HMGB1: variants seen among roughly 807,000 people sequenced by gnomAD.
HMGB1 encodes the protein high mobility group box 1.
For synonymous variants in HMGB1, 81 were observed against 84.0 expected, an observed-to-expected ratio of 0.96 and a Z score of 0.19; for missense variants, 79 against 253.5, an observed-to-expected ratio of 0.31 and a Z score of 4.67.
chr13:30,516,849 C>G (rs907222068), intron 1 of HMGB1, among the ~76,000 whole-genome samples: 4 of 152,136 alleles, frequency 2.6e-5, no homozygotes, highest in Admixed American at 1.3e-4. Flanking sequence ...ACTGGGAGAT[C>G]GAGGCTGCAA....
At chr13:30,471,629 A>ACAGGC (rs1886937508) in intron 1 of HMGB1, among the ~76,000 whole-genome samples, 1 of 127,898 alleles carries the variant, frequency 7.8e-6, no homozygotes, top group Non-Finnish European at 1.6e-5. Context: ...TGCTGGGATT[A>ACAGGC]CAGGCATGAG....
intron 1 of HMGB1, among the ~76,000 whole-genome samples, chr13:30,481,621 G>A (rs1464422615): frequency 3.9e-5 from 6 of 152,168 alleles, no homozygotes; most frequent in African/African-American, 1.4e-4. Flanking sequence ...TGGCTCCCCC[G>A]GTGGGGCAAA....
intron 1 of HMGB1, among the ~76,000 whole-genome samples, chr13:30,496,435 C>T (rs2137447229): frequency 6.6e-6 from 1 of 152,302 alleles, no homozygotes; most frequent in African/African-American, 2.4e-5. Flanking sequence ...ACACCTGTGG[C>T]AAGTGATTAG....
At chr13:30,473,448 C>A (rs991611421) in intron 1 of HMGB1, among the ~76,000 whole-genome samples, 1 of 152,186 alleles carries the variant, frequency 6.6e-6, no homozygotes, top group Non-Finnish European at 1.5e-5. Context: ...GAAAGGTGAT[C>A]TAAGTTCAGA....
At chr13:30,474,950 T>C (rs1565999229) in intron 1 of HMGB1, among the ~76,000 whole-genome samples, 1 of 115,054 alleles carries the variant, frequency 8.7e-6, no homozygotes, top group Non-Finnish European at 1.7e-5. Context: ...TTTTTTCTTT[T>C]CTTTTTTTGT....
Position 30,505,358 on chromosome 13 carries a change from T to G in HMGB1, c.-14-41664A>C, listed in dbSNP as rs187014087. On this transcript the variant is annotated intron_variant, in intron 1 of 4. Coordinates refer to the HMGB1 transcript ENST00000405805. The stretch of plus-strand genomic sequence containing the variant: ...CAGGCCTGGCTAATTTTTTGTATTT[T>G]TAGTAGAGACAGGGTTTCACCGTGT... 4.9e-3 allele frequency among the ~76,000 whole-genome samples: 741 copies of G among 152,204 alleles called. 1 individual carries two copies. The highest frequency in any genetic ancestry group is 8.3e-3 in the Non-Finnish European group (565 of 68,026).
chr13:30,529,266 G>A (rs993961626), intron 1 of HMGB1, among the ~76,000 whole-genome samples: 1 of 152,102 alleles, frequency 6.6e-6, no homozygotes, highest in Admixed American at 6.5e-5. Flanking sequence ...TACCTGCTCA[G>A]AGAGGTTTCA....
At chr13:30,571,951 G>T (rs1254893942) in intron 1 of HMGB1, among the ~76,000 whole-genome samples, 2 of 152,026 alleles carry the variant, frequency 1.3e-5, no homozygotes, top group Non-Finnish European at 2.9e-5. Flanking sequence ...GATAAACTCA[G>T]TTGTCTACAT....
In HMGB1 at chr13:30,456,763, G is replaced by GGGGC. The variant is rs1886001922; in HGVS notation, c.*4593_*4594insGCCC. The GGGGC allele has an allele frequency of 9.1e-6, 1 of 109,326 alleles. No homozygotes were observed. Among genetic ancestry groups the GGGGC allele is most frequent in the Admixed American group, 9.4e-5 (1 of 10,594 alleles). 6.8% of individuals were successfully genotyped at this position (109,326 alleles called of 1,614,324 possible). ...CATAAATAACAGCTTTTGTGGGCGG[G>GGGGC]GGGGGGGGGTGGTGGGGTGCAATTT... On this transcript the variant is annotated 3_prime_UTR_variant, in exon 5 of 5. Coordinates refer to ENST00000341423, the MANE Select transcript of HMGB1 (RefSeq NM_002128.7).
rs185684429 is a variant in HMGB1, at chr13:30,616,283, T to C, written c.-15+388A>G. Among the ~76,000 whole-genome samples, 359 of 152,364 alleles carry C rather than the reference T, an allele frequency of 2.4e-3. 2 individuals carry two copies. The highest frequency in any genetic ancestry group is 0.01 in the Middle Eastern group (3 of 294). On this transcript the variant is annotated intron_variant, in intron 1 of 4. Transcript: ENST00000405805. The stretch of plus-strand genomic sequence containing the variant: ...TCCATTTTGTTTCTGTTACTAATTT[T>C]TCTTCTGAAAAAATACCAAATTTAC...
chr13:30,583,427 C>T (rs1247869884), intron 1 of HMGB1, among the ~76,000 whole-genome samples: 5 of 143,904 alleles, frequency 3.5e-5, no homozygotes, highest in Admixed American at 1.4e-4. Flanking sequence ...GCTACTCGGG[C>T]GGCTGAGCTG....
At chr13:30,585,428 T>G (rs1243459558) in intron 1 of HMGB1, among the ~76,000 whole-genome samples, 2 of 152,148 alleles carry the variant, frequency 1.3e-5, no homozygotes, top group Non-Finnish European at 2.9e-5. Context: ...TGGTTCATGC[T>G]TGTAATCCCA....
Position 30,456,770 on chromosome 13 carries a change from G to GGGC in HMGB1, c.*4586_*4587insGCC, listed in dbSNP as rs1449320059. On this transcript the variant is annotated 3_prime_UTR_variant, in exon 5 of 5. Coordinates refer to ENST00000341423, the MANE Select transcript of HMGB1 (RefSeq NM_002128.7). ...AACAGCTTTTGTGGGCGGGGGGGGGGGGTGGTGGGGTGCAATTTATCAACA... is the reference window on the plus strand; with the variant it reads ...AACAGCTTTTGTGGGCGGGGGGGGGGGGCGGTGGTGGGGTGCAATTTATCAACA... 9.9e-6 allele frequency: 1 copy of GGGC among 101,016 alleles called. No individual in the cohort carries two copies. Among genetic ancestry groups the GGGC allele is most frequent in the Non-Finnish European group, 2.0e-5 (1 of 49,880 alleles). 6.3% of individuals were successfully genotyped at this position (101,016 alleles called of 1,614,324 possible). A position where few individuals can be genotyped will look rare whatever the true frequency, so the allele number is the denominator to read the frequency against.
At chr13:30,517,355 G>C (rs1279150860) in intron 1 of HMGB1, among the ~76,000 whole-genome samples, 4 of 152,228 alleles carry the variant, frequency 2.6e-5, no homozygotes, top group Non-Finnish European at 4.4e-5. Context: ...TTCAACAGCT[G>C]TCTGGGAAAA....
chr13:30,509,509 A>T (rs1407165005), intron 1 of HMGB1, among the ~76,000 whole-genome samples: 1 of 152,108 alleles, frequency 6.6e-6, no homozygotes, highest in Non-Finnish European at 1.5e-5. Flanking sequence ...AAGTGTTGGG[A>T]TTACAGATGT....
intron 1 of HMGB1, among the ~76,000 whole-genome samples, chr13:30,553,080 C>G (rs1166461457): frequency 2.0e-5 from 3 of 152,208 alleles, no homozygotes; most frequent in Non-Finnish European, 4.4e-5. Flanking sequence ...ATGCTTGTCT[C>G]ATTTTTAGCC....
intron 1 of HMGB1, among the ~76,000 whole-genome samples, chr13:30,599,838 T>C (rs1593337635): frequency 6.6e-6 from 1 of 152,162 alleles, no homozygotes; most frequent in East Asian, 1.9e-4. Flanking sequence ...CTTCAACCTA[T>C]GAATTGGGGG....
chr13:30,576,940 G>A (rs9285073), intron 1 of HMGB1, among the ~76,000 whole-genome samples: 4,200 of 152,164 alleles, frequency 0.028, 210 homozygotes, highest in African/African-American at 0.096. Context: ...AAATTCATAT[G>A]TCCTAATCCC....
At chr13:30,563,786 G>A (rs1870065449) in intron 1 of HMGB1, among the ~76,000 whole-genome samples, 1 of 152,204 alleles carries the variant, frequency 6.6e-6, no homozygotes, top group Non-Finnish European at 1.5e-5. Flanking sequence ...TGTTATGTGA[G>A]TGAAACGTTT....
Sources: allele counts gnomAD v4.1 joint callset (sites outside exome capture counted in the v4.1 genomes callset), GRCh38; gene constraint gnomAD v4.1.1; transcripts MANE v1.5; gene names NCBI Gene and HGNC (gene_info 2026-07-23, HGNC 2026-07-21).